The following KRT2 variants were observed in gnomAD, a reference collection of about 807,000 sequenced individuals.
The protein encoded by KRT2 is keratin 2.
In KRT2, 37 loss-of-function variants were observed where a neutral mutation model predicts 48.5. That is an observed-to-expected ratio of 0.76 (90% CI 0.59 to 1.00). The LOEUF is 1.00. Among genes scored for constraint, KRT2 ranks in the 50% least tolerant of loss-of-function variants. The pLI is 0.00. For missense variants in KRT2, 880 were observed against 815.2 expected, an observed-to-expected ratio of 1.08 and a Z score of -0.97; for synonymous variants, 324 against 312.2, an observed-to-expected ratio of 1.04 and a Z score of -0.40.
Position 52,648,290 on chromosome 12 carries a change from G to A in KRT2, c.1005C>T (p.Leu335=). 7 of 1,614,102 alleles carry A rather than the reference G, an allele frequency of 4.3e-6. No individual in the cohort carries two copies. Among genetic ancestry groups the A allele is most frequent in the Admixed American group, 1.7e-5 (1 of 60,024 alleles). ...HQSVTDTNVI[L]SMDNSRNLDL... ...CCAGGTTGCGGCTGTTGTCCATGGAGAGGATGACGTTGGTGTCAGTGACAC... is the reference window on the plus strand; with the variant it reads ...CCAGGTTGCGGCTGTTGTCCATGGAAAGGATGACGTTGGTGTCAGTGACAC... Residue 335 remains leucine (L), a synonymous_variant, in exon 5 of 9, where the codon CTC becomes CTT. Transcript: ENST00000309680.
rs1470847542 is a variant in KRT2, at chr12:52,649,014, T to C, written c.950A>G (p.Tyr317Cys). 1.2e-6 allele frequency: 2 copies of C among 1,602,394 alleles called. No individual in the cohort carries two copies. Among genetic ancestry groups the C allele is most frequent in the Non-Finnish European group, 1.7e-6 (2 of 1,169,316 alleles). Residue 317 changes from tyrosine (Y) to cysteine (C), a missense_variant, in exon 4 of 9, where the codon TAT becomes TGT. Physicochemically the swap from Tyr to Cys is radical, Grantham distance 194. Transcript: ENST00000309680. Reference sequence around the variant, plus strand: ...CCGGAGCAGCCTCCTTACCGCATCATAGAGAACTTTCAGAAACTCAATTTC... The same window carrying C: ...CCGGAGCAGCCTCCTTACCGCATCACAGAGAACTTTCAGAAACTCAATTTC... ...NQEIEFLKVL[Y>C]DAEISQIHQS...
In KRT2 at chr12:52,645,153, G is replaced by T; in HGVS notation, c.1786C>A (p.His596Asn). 1 of 1,613,032 alleles carries T rather than the reference G, an allele frequency of 6.2e-7. No homozygotes were observed. Among genetic ancestry groups the T allele is most frequent in the South Asian group, 1.1e-5 (1 of 90,860 alleles). The change falls in exon 9 of 9, where the codon CAC (histidine) becomes AAC (asparagine). Residue 596 changes from histidine to asparagine, a missense_variant. Coordinates refer to ENST00000309680, the MANE Select transcript of KRT2 (RefSeq NM_000423.3). The stretch of plus-strand genomic sequence containing the variant: ...CCTCTAGAGCCACCTCCAGAGCTGT[G>T]TTTTCCACCTCCAGAGCCATATCCT... ...GGGYGSGGGK[H>N]SSGGGSRGGS...
chr12:52,646,994 G>C (rs370421969), intron 6 of KRT2, 34 bp from the exon 7 acceptor site: 3 of 1,588,044 alleles, frequency 1.9e-6, no homozygotes, highest in African/African-American at 2.7e-5. Flanking sequence ...GATTCTGCCT[G>C]ACGGAGGCGG....
chr12:52,649,985 A>T lies in KRT2; in HGVS notation c.801-11T>A. On this transcript the variant is annotated splice_polypyrimidine_tract_variant and intron_variant, in intron 2 of 8. Coordinates refer to ENST00000309680, the MANE Select transcript of KRT2 (RefSeq NM_000423.3). ...ATTTCATCCTCATACCTATTGGGAC[A>T]CAGATGTTACAGCAGTTAGATTAGT... is the stretch of plus-strand genomic sequence containing the variant. 2 of 1,597,976 alleles carry T rather than the reference A, an allele frequency of 1.3e-6. No homozygotes were observed. The highest frequency in any genetic ancestry group is 1.7e-6 in the Non-Finnish European group (2 of 1,165,184).
At chr12:52,648,967 G>T in intron 4 of KRT2, 40 bp downstream of exon 4, 1 of 1,223,580 alleles carries the variant, frequency 8.2e-7, no homozygotes, top group Non-Finnish European at 1.2e-6. Context: ...TTGGTGAGAA[G>T]GGTGGGAAGT....
rs766866443 is a variant in KRT2 at position 52,651,738 on chromosome 12, T to TAAACCTCCAACACCACCAGGGCCCCCA, written c.378_404dup (p.Phe126_Gly134dup). Reference sequence around the variant, plus strand: ...CAGGCCCAAAGCCACCAGGACCCCCTAAACCTCCAACACCACCAGGGCCCC... The same window carrying TAAACCTCCAACACCACCAGGGCCCCCA: ...CAGGCCCAAAGCCACCAGGACCCCCTAAACCTCCAACACCACCAGGGCCCCCAAAACCTCCAACACCACCAGGGCCCC... On this transcript the variant is annotated inframe_insertion, in exon 1 of 9. Coordinates refer to ENST00000309680, the MANE Select transcript of KRT2 (RefSeq NM_000423.3). 1.9e-6 allele frequency: 3 copies of TAAACCTCCAACACCACCAGGGCCCCCA among 1,613,666 alleles called. No individual in the cohort carries two copies. Among genetic ancestry groups the TAAACCTCCAACACCACCAGGGCCCCCA allele is most frequent in the Non-Finnish European group, 2.5e-6 (3 of 1,179,882 alleles).
chr12:52,650,113 AT>A, intron 2 of KRT2, 139 bp from the exon 3 acceptor site: 1 of 783,346 alleles, frequency 1.3e-6, no homozygotes, highest in Non-Finnish European at 2.2e-6. Context: ...TGAAACTAAG[AT>A]TTCCAAACTA....
Position 52,644,786 on chromosome 12 carries a change from C to G in KRT2, c.*233G>C. On this transcript the variant is annotated 3_prime_UTR_variant, in exon 9 of 9. Coordinates refer to ENST00000309680, the MANE Select transcript of KRT2 (RefSeq NM_000423.3). ...AATGGGCATGGCTAGAAGCACAAAC[C>G]TAGACAGCACAGATTCCGCCCCAGA... 1 of 588,552 alleles carries G rather than the reference C, an allele frequency of 1.7e-6. No individual in the cohort carries two copies. The highest frequency in any genetic ancestry group is 3.0e-6 in the Non-Finnish European group (1 of 333,512). 36.5% of individuals were successfully genotyped at this position (588,552 alleles called of 1,614,324 possible).
Position 52,647,823 on chromosome 12 carries a change from A to C in KRT2, c.1155T>G (p.His385Gln). The C allele has an allele frequency of 6.2e-7, 1 of 1,614,062 alleles. No homozygotes were observed. The change falls in exon 6 of 9, where the codon CAT (histidine) becomes CAG (glutamine). Residue 385 changes from histidine to glutamine, a missense_variant. Transcript: ENST00000309680. ...YEELQVTVGR[H>Q]GDSLKEIKIE... is the part of the protein sequence containing the mutation. ...TCTTGATCTCTTTCAGGCTGTCTCC[A>C]TGTCTCCCGACAGTCACCTGGAGCT... is the stretch of plus-strand genomic sequence containing the variant.
At chr12:52,651,489 T>C in intron 1 of KRT2, 69 bp downstream of exon 1, 1 of 1,202,550 alleles carries the variant, frequency 8.3e-7, no homozygotes. Context: ...TCTGTGCCAT[T>C]TTCTTTTTGG....
intron 5 of KRT2, 73 bp downstream of exon 5, chr12:52,648,100 A>G (rs1274218958): frequency 1.3e-6 from 2 of 1,520,386 alleles, no homozygotes; most frequent in South Asian, 1.1e-5. Context: ...ACCTTACTGT[A>G]CACTTTCCAG....
rs1206095148 is a variant in KRT2 at position 52,645,068 on chromosome 12, C to T, written c.1871G>A (p.Gly624Asp). ...GGAACCAAAAGCTTCACCTGAGCTA[C>T]CCTTTACAGAGCTAGAACCCCCACC... ...SGGGGSSSVKGSSGEAFGSSV... is the reference protein window; with the variant it reads ...SGGGGSSSVKDSSGEAFGSSV... Residue 624 changes from glycine (G) to aspartate (D), a missense_variant, in exon 9 of 9, where the codon GGT becomes GAT. By Grantham distance (94) the Gly-to-Asp change is moderately conservative (BLOSUM62 -1). Transcript: ENST00000309680. 1 of 1,614,074 alleles carries T rather than the reference C, an allele frequency of 6.2e-7. No individual in the cohort carries two copies. The highest frequency in any genetic ancestry group is 8.5e-7 in the Non-Finnish European group (1 of 1,180,020).
intron 4 of KRT2, 102 bp downstream of exon 4, chr12:52,648,905 G>T: frequency 5.1e-6 from 4 of 787,944 alleles, no homozygotes; most frequent in Non-Finnish European, 9.1e-6. Context: ...AAGTCAGCTG[G>T]TCCATAAACC....
intron 1 of KRT2, 84 bp downstream of exon 1, chr12:52,651,474 A>G: frequency 2.7e-6 from 3 of 1,104,162 alleles, no homozygotes; most frequent in Non-Finnish European, 4.2e-6. Context: ...CCTAAGAAAT[A>G]CAAATCTGTG....
intron 6 of KRT2, 71 bp downstream of exon 6, chr12:52,647,657 TCA>T (rs2120942802): frequency 6.4e-7 from 1 of 1,573,216 alleles, no homozygotes; most frequent in Non-Finnish European, 8.7e-7. Flanking sequence ...ACATGCACAC[TCA>T]CACACAACCA....
intron 4 of KRT2, 52 bp from the exon 5 acceptor site, chr12:52,648,389 G>C (rs745704274): frequency 6.7e-7 from 1 of 1,493,392 alleles, no homozygotes; most frequent in Admixed American, 1.7e-5. Flanking sequence ...GCTACAGGCA[G>C]ACAGGAGGCC....
In KRT2 at chr12:52,652,156, A is replaced by G. The variant is rs1258752968; in HGVS notation, c.-14T>C. The G allele has an allele frequency of 2.0e-6, 3 of 1,522,724 alleles. No individual in the cohort carries two copies. Among genetic ancestry groups the G allele is most frequent in the East Asian group, 4.9e-5 (2 of 40,942 alleles). The allele number at this position is 1,522,724 out of a possible 1,614,324, so 94.3% of individuals were successfully genotyped here. A position where few individuals can be genotyped will look rare whatever the true frequency, so the allele number is the denominator to read the frequency against. On this transcript the variant is annotated 5_prime_UTR_variant, in exon 1 of 9. Transcript: ENST00000309680. ...CTGACAACTCATGATGCCTTTGTCC[A>G]GGGAGGAAAGTCACAGGCTCTTGAG...
chr12:52,650,371 G>A lies in KRT2; in HGVS notation c.768C>T (p.Asn256=), dbSNP rs886049631. ...TATAATCCTCCACAAGATCCTGCATGTTATTCAGCTCTGAATTCTGTGATG... is the reference window on the plus strand; with the variant it reads ...TATAATCCTCCACAAGATCCTGCATATTATTCAGCTCTGAATTCTGTGATG... ...ERTSQNSELN[N]MQDLVEDYKK... The change falls in exon 2 of 9, where the codon AAC becomes AAT. Residue 256 remains asparagine (N), a synonymous_variant. Coordinates refer to ENST00000309680, the MANE Select transcript of KRT2 (RefSeq NM_000423.3). The A allele has an allele frequency of 1.2e-5, 19 of 1,614,172 alleles. No individual in the cohort carries two copies. Among genetic ancestry groups the A allele is most frequent in the Non-Finnish European group, 1.5e-5 (18 of 1,180,008 alleles).
chr12:52,648,198 T>G lies in KRT2; in HGVS notation c.1097A>C (p.Glu366Ala), dbSNP rs1941197530. 1 of 1,614,094 alleles carries G rather than the reference T, an allele frequency of 6.2e-7. No homozygotes were observed. The highest frequency in any genetic ancestry group is 1.1e-5 in the South Asian group (1 of 91,086). ...YEEIAQRSKE[E>A]AEALYHSKYE... ...CTTGCTGTGGTACAGGGCCTCCGCT[T>G]CTTCCTTGCTCCTCTGGGCGATCTC... The change falls in exon 5 of 9, where the codon GAA becomes GCA. Residue 366 changes from glutamate (E) to alanine (A), a missense_variant. By Grantham distance (107) the Glu-to-Ala change is moderately radical (BLOSUM62 -1). Coordinates refer to ENST00000309680, the MANE Select transcript of KRT2 (RefSeq NM_000423.3).
Sources: gnomAD v4.1 joint callset for allele counts on GRCh38, gnomAD v4.1.1 for gene constraint, MANE v1.5 for transcripts, NCBI Gene and HGNC (gene_info 2026-07-23, HGNC 2026-07-21) for gene names.